GLRA2: variants seen among roughly 807,000 people sequenced by gnomAD.
GLRA2 encodes the protein glycine receptor subunit alpha-2.
A neutral mutation model predicts 31.6 loss-of-function variants in GLRA2; 11 were observed. That is an observed-to-expected ratio of 0.35 (90% CI 0.22 to 0.58). The LOEUF is 0.58. Ranked by LOEUF, GLRA2 falls within the 20% of genes least tolerant of loss-of-function variation. The pLI is 0.84. For synonymous variants in GLRA2, 132 were observed against 134.0 expected (o/e 0.99, Z 0.10); for missense variants, 212 against 351.8 (o/e 0.60, Z 3.18).
intron 8 of GLRA2, among the ~76,000 whole-genome samples, chrX:14,714,180 T>C (rs1051406507): frequency 2.7e-5 from 3 of 110,463 alleles, no homozygotes; most frequent in African/African-American, 9.9e-5. Flanking sequence ...GGCTAGAATA[T>C]TCAGACTTTC....
the GLRA2 span, among the ~76,000 whole-genome samples, chrX:14,472,130 C>A: frequency 1.8e-5 from 2 of 112,048 alleles, no homozygotes; most frequent in African/African-American, 3.2e-5. Context: ...GTGACCAGAT[C>A]AACTTCACTG....
At chrX:14,480,093 C>A in the GLRA2 span, among the ~76,000 whole-genome samples, 1 of 111,427 alleles carries the variant, frequency 9.0e-6, no homozygotes, top group South Asian at 3.8e-4. Flanking sequence ...TTCATTGTGG[C>A]TTTGATTTAC....
rs933894154 is a variant in GLRA2 at position 14,693,053 on chromosome X, A to G, written c.1080+2194A>G. ...AACTTAAAGTATAATAACAAAAAAAAAAAAGAAAGAGGGAATGCAGAACCA... is the reference window on the plus strand; with the variant it reads ...AACTTAAAGTATAATAACAAAAAAAGAAAAGAAAGAGGGAATGCAGAACCA... On this transcript the variant is annotated intron_variant, in intron 8 of 8. Coordinates refer to ENST00000218075, the MANE Select transcript of GLRA2 (RefSeq NM_002063.4). 1.1e-4 allele frequency among the ~76,000 whole-genome samples: 11 copies of G among 98,679 alleles called. No individual in the cohort carries two copies. The Admixed American group carries it at 1.2e-3, about 11-fold the overall frequency. The allele number at this position is 98,679 out of a possible 115,157, so 85.7% of individuals were successfully genotyped here. A position where few individuals can be genotyped will look rare whatever the true frequency, so the allele number is the denominator to read the frequency against.
At chrX:14,518,078 C>A in the GLRA2 span, among the ~76,000 whole-genome samples, 1 of 111,079 alleles carries the variant, frequency 9.0e-6, no homozygotes, top group Non-Finnish European at 1.9e-5. Flanking sequence ...ACAGATGGAA[C>A]ACAAATGGTC....
chrX:14,553,042 T>C (rs1292252126), intron 2 of GLRA2, among the ~76,000 whole-genome samples: 3 of 112,057 alleles, frequency 2.7e-5, no homozygotes, highest in Non-Finnish European at 5.6e-5. Context: ...AACTCAACTA[T>C]GATGAATGAG....
chrX:14,527,831 A>T (rs1182277667), upstream of GLRA2, among the ~76,000 whole-genome samples: 2 of 111,600 alleles, frequency 1.8e-5, no homozygotes, highest in Non-Finnish European at 3.8e-5. Context: ...GGGTCAGGAC[A>T]GCAGGGATAA....
chrX:14,691,330 CGT>C (rs199839929), intron 8 of GLRA2, among the ~76,000 whole-genome samples: 3,140 of 63,815 alleles, frequency 0.049, 120 homozygotes, highest in African/African-American at 0.14. Flanking sequence ...TGTGTGCGCG[CGT>C]GCGTGCGTGT....
At chrX:14,487,767 G>T in the GLRA2 span, among the ~76,000 whole-genome samples, 1 of 111,921 alleles carries the variant, frequency 8.9e-6, no homozygotes, top group South Asian at 3.7e-4. Context: ...ATAAGTACTA[G>T]AGAGGAACAT....
At chrX:14,567,356 C>G (rs764808021) in intron 2 of GLRA2, among the ~76,000 whole-genome samples, 28 of 111,995 alleles carry the variant, frequency 2.5e-4, no homozygotes, top group African/African-American at 6.8e-4. Flanking sequence ...CACACGATCA[C>G]CTCAACTGAT....
chrX:14,626,246 C>A (rs1278673622), intron 7 of GLRA2, among the ~76,000 whole-genome samples: 1 of 111,990 alleles, frequency 8.9e-6, no homozygotes, highest in Non-Finnish European at 1.9e-5. Context: ...GTAGTCAATT[C>A]AAATCCTCTA....
chrX:14,608,993 A>G lies in GLRA2; in HGVS notation c.718A>G (p.Lys240Glu), dbSNP rs1033911298. ...AAATGATCATTTCCTCCTTCTAGGA[A>G]AGTTTACCTGCATTGAGGTCAAGTT... Reference protein sequence around the residue: ...GYCTKHYNTGKFTCIEVKFHL... With the variant: ...GYCTKHYNTGEFTCIEVKFHL... The change falls in exon 7 of 9, where the codon AAG becomes GAG. Residue 240 changes from lysine (K) to glutamate (E), a missense_variant and splice_region_variant. By Grantham distance (56) the Lys-to-Glu change is moderately conservative. Coordinates refer to ENST00000218075, the MANE Select transcript of GLRA2 (RefSeq NM_002063.4). 17 of 1,016,922 alleles carry G rather than the reference A, an allele frequency of 1.7e-5. No homozygotes were observed. Among genetic ancestry groups the G allele is most frequent in the Non-Finnish European group, 2.4e-5 (17 of 721,518 alleles). 83.8% of individuals were successfully genotyped at this position (1,016,922 alleles called of 1,213,427 possible). A position where few individuals can be genotyped will look rare whatever the true frequency, so the allele number is the denominator to read the frequency against.
At chrX:14,474,937 G>A in the GLRA2 span, among the ~76,000 whole-genome samples, 2 of 112,277 alleles carry the variant, frequency 1.8e-5, no homozygotes, top group Admixed American at 1.9e-4. Context: ...TGGGAAGGCA[G>A]TACCAAAGAC....
At chrX:14,567,986 A>C (rs925704437) in intron 2 of GLRA2, among the ~76,000 whole-genome samples, 2 of 112,352 alleles carry the variant, frequency 1.8e-5, no homozygotes, top group African/African-American at 6.5e-5. Flanking sequence ...GACCTAAATA[A>C]ATGGAAAAAC....
the GLRA2 span, among the ~76,000 whole-genome samples, chrX:14,504,824 T>C: frequency 8.9e-6 from 1 of 111,980 alleles, no homozygotes; most frequent in Non-Finnish European, 1.9e-5. Flanking sequence ...GGGCATAAAA[T>C]ATATTGTTGA....
intron 2 of GLRA2, among the ~76,000 whole-genome samples, chrX:14,560,214 C>T (rs2089708514): frequency 8.9e-6 from 1 of 112,494 alleles, no homozygotes; most frequent in Non-Finnish European, 1.9e-5. Flanking sequence ...ATTCTATTCC[C>T]ATCCAAGGGC....
chrX:14,562,124 G>A (rs1269083700), intron 2 of GLRA2, among the ~76,000 whole-genome samples: 1 of 112,045 alleles, frequency 8.9e-6, no homozygotes, highest in African/African-American at 3.2e-5. Flanking sequence ...TCACATAGGT[G>A]TATTAAAGTT....
chrX:14,478,017 AATAT>A, the GLRA2 span, among the ~76,000 whole-genome samples: 2,185 of 110,374 alleles, frequency 0.02, 67 homozygotes, highest in African/African-American at 0.068. Context: ...AAAAAGAGAA[AATAT>A]ATATATATCC....
intron 4 of GLRA2, among the ~76,000 whole-genome samples, chrX:14,589,772 GTA>G (rs781284334): frequency 6.6e-5 from 7 of 106,317 alleles, no homozygotes; most frequent in Admixed American, 2.0e-4. Flanking sequence ...GTATATATAT[GTA>G]TATATATATG....
intron 7 of GLRA2, among the ~76,000 whole-genome samples, chrX:14,662,277 T>C (rs761461866): frequency 6.3e-5 from 7 of 111,610 alleles, no homozygotes; most frequent in Admixed American, 9.6e-5. Context: ...CTCTTACATA[T>C]ACACAGATAC....
Sources: allele counts gnomAD v4.1 joint callset (sites outside exome capture counted in the v4.1 genomes callset), GRCh38; gene constraint gnomAD v4.1.1; transcripts MANE v1.5; gene names NCBI Gene and HGNC (gene_info 2026-07-23, HGNC 2026-07-21).